AFDN: variants seen among roughly 807,000 people sequenced by gnomAD.
AFDN encodes the protein afadin.
Under a neutral mutation model 216.6 loss-of-function variants are expected in AFDN, and 68 were observed. The observed-to-expected ratio is 0.31, with a 90% CI of 0.26 to 0.38. AFDN has a LOEUF of 0.38. AFDN is among the 10% of genes least tolerant of loss of function. The probability of loss-of-function intolerance (pLI) is 1.00; values close to 1 mark genes in which losing one functional copy is unlikely to be tolerated. For synonymous variants in AFDN, 868 were observed against 853.7 expected, an observed-to-expected ratio of 1.02 and a Z score of -0.29; for missense variants, 2,136 against 2,342.0, an observed-to-expected ratio of 0.91 and a Z score of 1.82.
At position 167,880,252 on chromosome 6, in the gene AFDN, T is replaced by C; in HGVS notation, c.740-108T>C. On this transcript the variant is annotated intron_variant, in intron 5 of 33. Transcript: ENST00000683244. ...ATTAGGCAGATTGTCTTTACACTCA[T>C]TTTAGCTAGAATGCAGGTACCTTTT... 4 of 1,001,674 alleles carry C rather than the reference T, an allele frequency of 4.0e-6. No homozygotes were observed. In the Admixed American group the frequency reaches 8.7e-5, roughly 22 times the overall value. The allele number at this position is 1,001,674 out of a possible 1,614,324, so 62.0% of individuals were successfully genotyped here.
At chr6:167,846,382 T>C (rs1029119422) in intron 1 of AFDN, among the ~76,000 whole-genome samples, 22 of 152,144 alleles carry the variant, frequency 1.4e-4, no homozygotes, top group Non-Finnish European at 2.9e-4. Flanking sequence ...ATAATTTTAC[T>C]TCAGTGACTT....
chr6:167,957,650 T>C (rs988666330), intron 30 of AFDN, among the ~76,000 whole-genome samples: 3 of 152,208 alleles, frequency 2.0e-5, no homozygotes, highest in African/African-American at 7.2e-5. Flanking sequence ...CACCTGGAAT[T>C]CGTCAGGATG....
At chr6:167,851,385 C>G (rs1782288377) in intron 1 of AFDN, among the ~76,000 whole-genome samples, 1 of 152,082 alleles carries the variant, frequency 6.6e-6, no homozygotes, top group Non-Finnish European at 1.5e-5. Context: ...AGGTATTAAG[C>G]CTAGTATCCA....
chr6:167,958,419 A>T (rs952557887), intron 30 of AFDN, among the ~76,000 whole-genome samples: 1 of 152,212 alleles, frequency 6.6e-6, no homozygotes, highest in African/African-American at 2.4e-5. Context: ...CCTTTCTAGG[A>T]CACAAAAATG....
At chr6:167,921,908 C>A (rs1228523788) in intron 21 of AFDN, among the ~76,000 whole-genome samples, 1 of 152,070 alleles carries the variant, frequency 6.6e-6, no homozygotes, top group Admixed American at 6.5e-5. Flanking sequence ...TAATTGTCCA[C>A]AAATAACGGT....
intron 26 of AFDN, among the ~76,000 whole-genome samples, chr6:167,945,049 T>TA (rs533547013): frequency 1.3e-5 from 2 of 151,788 alleles, no homozygotes; most frequent in African/African-American, 2.4e-5. Context: ...AATTTTAAAT[T>TA]AAAAAAAACC....
chr6:167,900,389 C>T (rs1434496222), intron 11 of AFDN, among the ~76,000 whole-genome samples: 2 of 152,188 alleles, frequency 1.3e-5, no homozygotes, highest in Non-Finnish European at 2.9e-5. Flanking sequence ...GACTCATTAA[C>T]TGATTTGTTA....
intron 4 of AFDN, among the ~76,000 whole-genome samples, chr6:167,873,489 TTAAA>T (rs1785005089): frequency 6.6e-6 from 1 of 152,252 alleles, no homozygotes; most frequent in South Asian, 2.1e-4. Context: ...TGTTTTGTTT[TTAAA>T]TAAATGTTCC....
chr6:167,863,956 A>G (rs532311429), intron 1 of AFDN, among the ~76,000 whole-genome samples: 2 of 152,356 alleles, frequency 1.3e-5, no homozygotes, highest in South Asian at 2.1e-4. Flanking sequence ...CCAACATAAT[A>G]TATTCTTCAA....
intron 21 of AFDN, among the ~76,000 whole-genome samples, chr6:167,921,637 A>C (rs1362562702): frequency 6.6e-6 from 1 of 152,168 alleles, no homozygotes; most frequent in Non-Finnish European, 1.5e-5. Context: ...TCTATTTGTA[A>C]TATGGTCCAG....
Position 167,875,421 on chromosome 6 carries a change from T to C in AFDN, c.665T>C (p.Met222Thr). 6.2e-7 allele frequency: 1 copy of C among 1,614,048 alleles called. No individual in the cohort carries two copies. The highest frequency in any genetic ancestry group is 8.5e-7 in the Non-Finnish European group (1 of 1,179,944). The change falls in exon 5 of 34, where the codon ATG (methionine) becomes ACG (threonine). Residue 222 changes from methionine to threonine, a missense_variant. Around this residue, in one of 8 missense-constraint regions of AFDN, gnomAD observed 817 missense variants for 965.7 expected, o/e 0.85. Coordinates refer to ENST00000683244, the MANE Select transcript of AFDN (RefSeq NM_001386888.1). ...ACCATTTCTAATCCTGAGGTGGTTA[T>C]GAAACGACGGAGGCAGCAAAAATTG... ...TRTISNPEVV[M>T]KRRRQQKLEK...
Position 167,947,834 on chromosome 6 carries a change from T to A in AFDN, c.3554-19T>A, listed in dbSNP as rs62427709. The A allele has an allele frequency of 1.5e-6, 2 of 1,318,144 alleles. No homozygotes were observed. Among genetic ancestry groups the A allele is most frequent in the Non-Finnish European group, 2.1e-6 (2 of 945,062 alleles). The allele number at this position is 1,318,144 out of a possible 1,614,324, so 81.7% of individuals were successfully genotyped here. On this transcript the variant is annotated intron_variant, in intron 27 of 33. Coordinates refer to ENST00000683244, the MANE Select transcript of AFDN (RefSeq NM_001386888.1). ...TTATTTAATATTACACTTTTTTTTTTCCCCCCTGACTTGAGCAGATCAGCC... is the reference window on the plus strand; with the variant it reads ...TTATTTAATATTACACTTTTTTTTTACCCCCCTGACTTGAGCAGATCAGCC...
intron 4 of AFDN, 148 bp from the exon 5 acceptor site, chr6:167,875,187 G>C (rs938487671): frequency 3.2e-6 from 2 of 625,354 alleles, no homozygotes; most frequent in East Asian, 5.4e-5. Context: ...ATAGTAATTA[G>C]CATGTGGTAA....
At chr6:167,884,724 A>G (rs1007799138) in intron 6 of AFDN, among the ~76,000 whole-genome samples, 1 of 152,196 alleles carries the variant, frequency 6.6e-6, no homozygotes, top group Non-Finnish European at 1.5e-5. Context: ...GTTGATTTGT[A>G]TAATTCTTAA....
chr6:167,918,797 T>C lies in AFDN; in HGVS notation c.2772T>C (p.Asp924=), dbSNP rs142418335. The C allele has an allele frequency of 2.5e-6, 4 of 1,613,382 alleles. No homozygotes were observed. In the African/African-American group the frequency reaches 5.3e-5, roughly 22 times the overall value. Residue 924 remains aspartate (D), a synonymous_variant, in exon 21 of 34, where the codon GAT becomes GAC. Transcript: ENST00000683244. ...CTGCCGATGAGCTGGCCCGCAGTGATGGAAGGGAAGTGCAGTTGGAGGAGG... is the reference window on the plus strand; with the variant it reads ...CTGCCGATGAGCTGGCCCGCAGTGACGGAAGGGAAGTGCAGTTGGAGGAGG... The part of the protein sequence containing the change: ...ENTADELARS[D]GREVQLEEDP...
chr6:167,963,278 C>T (rs1797218134), intron 31 of AFDN: 11 of 1,063,574 alleles, frequency 1.0e-5, no homozygotes, highest in Non-Finnish European at 1.3e-5. Flanking sequence ...AGGCTGTAGC[C>T]GTTGAGCTCC....
intron 29 of AFDN, among the ~76,000 whole-genome samples, chr6:167,950,145 C>A (rs1255720410): frequency 1.3e-5 from 2 of 152,116 alleles, no homozygotes; most frequent in Non-Finnish European, 2.9e-5. Flanking sequence ...AGTAAATGTT[C>A]CATTTTTCTG....
intron 19 of AFDN, among the ~76,000 whole-genome samples, chr6:167,916,339 T>G (rs769243509): frequency 1.3e-5 from 2 of 152,214 alleles, no homozygotes; most frequent in Non-Finnish European, 2.9e-5. Context: ...GATAACACTC[T>G]TGAGGACTGA....
chr6:167,957,622 G>A (rs980079652), intron 30 of AFDN, among the ~76,000 whole-genome samples: 3 of 152,042 alleles, frequency 2.0e-5, no homozygotes, highest in East Asian at 3.9e-4. Flanking sequence ...CCTTTATATC[G>A]CATGGGCAAA....
Sources: gnomAD v4.1 joint callset for allele counts (sites outside exome capture counted in the v4.1 genomes callset) on GRCh38, gnomAD v4.1.1 for gene constraint, gnomAD v4.1.1 regional missense constraint, MANE v1.5 for transcripts, NCBI Gene and HGNC (gene_info 2026-07-23, HGNC 2026-07-21) for gene names.